The following ADRA1A variants were observed in gnomAD, a reference collection of about 807,000 sequenced individuals.
The protein encoded by ADRA1A is adrenoceptor alpha 1A.
ADRA1A carries 31 observed loss-of-function variants against 29.6 expected under a neutral mutation model. That is an observed-to-expected ratio of 1.05 (90% CI 0.79 to 1.41). The LOEUF (loss-of-function observed/expected upper bound fraction) is 1.41. Ranked by LOEUF, ADRA1A falls within the 40% of genes most tolerant of loss-of-function variation. The pLI is 0.00. For missense variants in ADRA1A, 619 were observed against 601.1 expected, an observed-to-expected ratio of 1.03 and a Z score of -0.31; for synonymous variants, 311 against 254.3, an observed-to-expected ratio of 1.22 and a Z score of -2.12.
chr8:26,764,449 G>A (rs536768937), downstream of ADRA1A, among the ~76,000 whole-genome samples: 6 of 152,218 alleles, frequency 3.9e-5, no homozygotes, highest in African/African-American at 1.4e-4. Flanking sequence ...GCAGAGATAA[G>A]GCAGGAGAGA....
intron 2 of ADRA1A, among the ~76,000 whole-genome samples, chr8:26,758,760 A>T (rs528947019): frequency 1.4e-4 from 22 of 152,322 alleles, no homozygotes; most frequent in South Asian, 4.1e-4. Flanking sequence ...GCAAGCTAAG[A>T]GGTGAGCACA....
At chr8:26,767,529 G>A (rs555891464), downstream of ADRA1A, among the ~76,000 whole-genome samples, 35 of 152,294 alleles carry the variant, frequency 2.3e-4, no homozygotes, top group Non-Finnish European at 4.4e-4. Context: ...GGAGAGAGGG[G>A]GCTGGAGAAG....
rs958687461 is a variant in ADRA1A at position 26,775,585 on chromosome 8, C to T, written c.884-4919G>A. On this transcript the variant is annotated intron_variant, in intron 2 of 2. Transcript: ENST00000380573. This position sits in a 1 kb window ranked among gnomAD's most constrained non-coding sequence, Gnocchi z 4.1. ...CTGCTTCAAGAAGAGCCAACAGCTC[C>T]TGACTTAATCCCCTGAACACCTTGC... is the stretch of plus-strand genomic sequence containing the variant. Among the ~76,000 whole-genome samples the T allele has an allele frequency of 6.6e-6, 1 of 152,170 alleles. No homozygotes were observed. Among genetic ancestry groups the T allele is most frequent in the Admixed American group, 6.5e-5 (1 of 15,288 alleles).
chr8:26,759,870 T>C (rs1805407939), intron 2 of ADRA1A, among the ~76,000 whole-genome samples: 2 of 152,244 alleles, frequency 1.3e-5, no homozygotes, highest in African/African-American at 4.8e-5. Context: ...CAGAATACTT[T>C]TGTAGGCTTT....
At chr8:26,851,959 G>T (rs893168318) in intron 2 of ADRA1A, among the ~76,000 whole-genome samples, 6 of 152,054 alleles carry the variant, frequency 3.9e-5, no homozygotes, top group African/African-American at 1.4e-4. Flanking sequence ...AATCTATTGT[G>T]TATTAATTAT....
rs1251514457 is a variant in ADRA1A at position 26,823,511 on chromosome 8, T to A, written c.883+40576A>T. Among the ~76,000 whole-genome samples, 3 of 152,224 alleles carry A rather than the reference T, an allele frequency of 2.0e-5. No homozygotes were observed. The highest frequency in any genetic ancestry group is 2.9e-5 in the Non-Finnish European group (2 of 68,038). ...TTGTTCTCTCATAAAAACTGAATTC[T>A]ATGAAGAACAAAACCTTTCCTCCAT... On this transcript the variant is annotated intron_variant, in intron 2 of 2. Transcript: ENST00000380573. The surrounding 1 kb of genome is among the most constrained non-coding windows in gnomAD (Gnocchi z 4.2).
intron 2 of ADRA1A, among the ~76,000 whole-genome samples, chr8:26,863,288 T>C (rs999003273): frequency 2.6e-5 from 4 of 152,228 alleles, no homozygotes; most frequent in African/African-American, 9.6e-5. Context: ...AATGAGCTAA[T>C]TAATTTTGAC....
intron 2 of ADRA1A, among the ~76,000 whole-genome samples, chr8:26,790,433 T>C (rs1297136443): frequency 6.6e-6 from 1 of 152,100 alleles, no homozygotes; most frequent in African/African-American, 2.4e-5. Context: ...GAGATTAGAA[T>C]AGTGGTTACT....
chr8:26,779,416 C>A, intron 2 of ADRA1A: 1 of 702,230 alleles, frequency 1.4e-6, no homozygotes, highest in Non-Finnish European at 2.6e-6. Flanking sequence ...CCTTCTTGGG[C>A]CTCAGTTTCC....
Position 26,787,910 on chromosome 8 carries a change from A to AT in ADRA1A, c.884-17245dup, listed in dbSNP as rs5890324. Among the ~76,000 whole-genome samples the AT allele has an allele frequency of 1.5e-3, 225 of 147,204 alleles. 1 individual carries two copies. The highest frequency in any genetic ancestry group is 3.5e-3 in the Admixed American group (51 of 14,734). On this transcript the variant is annotated intron_variant, in intron 2 of 2. Coordinates refer to ENST00000380573, the MANE Select transcript of ADRA1A (RefSeq NM_000680.4). The surrounding 1 kb of genome is among the most constrained non-coding windows in gnomAD (Gnocchi z 4.2). ...CTCAGTCATTAGTGCTATCTTGTCT[A>AT]TTTTTTTTTTTTTAACATTTGGGGA... is the stretch of plus-strand genomic sequence containing the variant.
intron 2 of ADRA1A, among the ~76,000 whole-genome samples, chr8:26,750,834 C>G (rs1804892048): frequency 6.6e-6 from 1 of 152,178 alleles, no homozygotes; most frequent in African/African-American, 2.4e-5. Flanking sequence ...CTTTGGGAGG[C>G]CAAGGCGGGC....
downstream of ADRA1A, among the ~76,000 whole-genome samples, chr8:26,755,892 G>A (rs539879590): frequency 2.0e-5 from 3 of 152,330 alleles, no homozygotes; most frequent in African/African-American, 4.8e-5. Context: ...GTTTTGCAGG[G>A]TGATTTTCAT....
At chr8:26,784,468 T>G (rs1482789174) in intron 2 of ADRA1A, among the ~76,000 whole-genome samples, 1 of 152,228 alleles carries the variant, frequency 6.6e-6, no homozygotes, top group Non-Finnish European at 1.5e-5. Context: ...ATGTACTAAT[T>G]CCCCAGGTGG....
chr8:26,832,138 A>G (rs1369282876), intron 2 of ADRA1A, among the ~76,000 whole-genome samples: 1 of 152,198 alleles, frequency 6.6e-6, no homozygotes, highest in Non-Finnish European at 1.5e-5. Flanking sequence ...GAAGTTGGGA[A>G]CGAAGTCTTT....
Position 26,770,040 on chromosome 8 carries a change from T to A in ADRA1A, c.*109A>T. On this transcript the variant is annotated 3_prime_UTR_variant, in exon 3 of 3. Transcript: ENST00000380573. ...TACCACCCACCCCATTCCCAGCAGG[T>A]CCCCTCTTTGATTGGTCCTGTCTTG... 1 of 1,482,280 alleles carries A rather than the reference T, an allele frequency of 6.7e-7. No individual in the cohort carries two copies. The allele number at this position is 1,482,280 out of a possible 1,614,324, so 91.8% of individuals were successfully genotyped here.
At chr8:26,782,041 C>T (rs1375317514) in intron 2 of ADRA1A, among the ~76,000 whole-genome samples, 6 of 152,236 alleles carry the variant, frequency 3.9e-5, no homozygotes, top group African/African-American at 1.4e-4. Context: ...TCCCAGGCCA[C>T]TGGCTCACCC....
In ADRA1A at chr8:26,770,611, C is replaced by A; in HGVS notation, c.939G>T (p.Trp313Cys). Residue 313 changes from tryptophan (W) to cysteine (C), a missense_variant, in exon 3 of 3, where the codon TGG (tryptophan) becomes TGT (cysteine). Physicochemically the swap from Trp to Cys is radical, Grantham distance 215. Transcript: ENST00000380573. ...TGATGCAGCTGTTTAGATATCCGAG[C>A]CAAAATACTATTTTAAAAACTGTTT... ...PSETVFKIVFWLGYLNSCINP... is the reference protein window; with the variant it reads ...PSETVFKIVFCLGYLNSCINP... The A allele has an allele frequency of 2.5e-6, 4 of 1,614,006 alleles. No homozygotes were observed. The highest frequency in any genetic ancestry group is 1.1e-5 in the South Asian group (1 of 91,058).
rs1813811246 is a variant in ADRA1A, at chr8:26,865,114, C to A, written c.-145G>T. 2 of 1,476,184 alleles carry A rather than the reference C, an allele frequency of 1.4e-6. No individual in the cohort carries two copies. Among genetic ancestry groups the A allele is most frequent in the Non-Finnish European group, 1.8e-6 (2 of 1,122,758 alleles). 91.4% of individuals were successfully genotyped at this position (1,476,184 alleles called of 1,614,324 possible). A position where few individuals can be genotyped will look rare whatever the true frequency, so the allele number is the denominator to read the frequency against. On this transcript the variant is annotated 5_prime_UTR_variant, in exon 2 of 3. Transcript: ENST00000380573. The surrounding 1 kb of genome is among the most constrained non-coding windows in gnomAD (Gnocchi z 7.6). Reference sequence around the variant, plus strand: ...GGGTTTGGCTGGGGGTGAGAGCGCGCGCGCGGGTGGGAAACAACCCTGGCC... The same window carrying A: ...GGGTTTGGCTGGGGGTGAGAGCGCGAGCGCGGGTGGGAAACAACCCTGGCC...
chr8:26,819,749 G>A lies in ADRA1A; in HGVS notation c.883+44338C>T, dbSNP rs950726218. 3.9e-5 allele frequency among the ~76,000 whole-genome samples: 6 copies of A among 152,230 alleles called. No homozygotes were observed. In the South Asian group the frequency reaches 1.2e-3, roughly 32 times the overall value. ...ATTAATAAATTGGCAATAGTAAGTA[G>A]CTATCTATCAATAATTACTTTAAAT... On this transcript the variant is annotated intron_variant, in intron 2 of 2. Coordinates refer to ENST00000380573, the MANE Select transcript of ADRA1A (RefSeq NM_000680.4).
Sources: allele counts gnomAD v4.1 joint callset (sites outside exome capture counted in the v4.1 genomes callset), GRCh38; gene constraint gnomAD v4.1.1; non-coding constraint Gnocchi (gnomAD v3.1); transcripts MANE v1.5; gene names NCBI Gene and HGNC (gene_info 2026-07-23, HGNC 2026-07-21).